The following KREMEN1 variants were observed in gnomAD, a reference collection of about 807,000 sequenced individuals.
KREMEN1 encodes the protein kremen protein 1.
In KREMEN1, 30 loss-of-function variants were observed where a neutral mutation model predicts 46.5. The observed-to-expected ratio is 0.65, with a 90% confidence interval of 0.48 to 0.88. KREMEN1 has a LOEUF of 0.88. Among genes scored for constraint, KREMEN1 ranks in the 40% least tolerant of loss-of-function variants. The pLI is 0.00. For synonymous variants in KREMEN1, 214 were observed against 230.6 expected, an observed-to-expected ratio of 0.93 and a Z score of 0.65; for missense variants, 533 against 596.9, an observed-to-expected ratio of 0.89 and a Z score of 1.11.
intron 3 of KREMEN1, among the ~76,000 whole-genome samples, chr22:29,105,291 G>T (rs2038037692): frequency 6.6e-6 from 1 of 150,572 alleles, no homozygotes; most frequent in Non-Finnish European, 1.5e-5. Context: ...TTATCAGTAT[G>T]TCTAGAACAG....
intron 4 of KREMEN1, 65 bp from the exon 5 acceptor site, chr22:29,125,197 AG>A: frequency 3.2e-6 from 5 of 1,574,458 alleles, no homozygotes; most frequent in Non-Finnish European, 4.3e-6. Context: ...CCACCCTGCC[AG>A]GCTCCTTCAG....
At chr22:29,074,484 CT>C (rs2037534688) in intron 1 of KREMEN1, among the ~76,000 whole-genome samples, 1 of 152,264 alleles carries the variant, frequency 6.6e-6, no homozygotes, top group South Asian at 2.1e-4. Flanking sequence ...TTTTGCTTAA[CT>C]TCCACACGCA....
chr22:29,133,650 G>GT (rs1315619620), intron 5 of KREMEN1, among the ~76,000 whole-genome samples: 7,501 of 112,902 alleles, frequency 0.066, 241 homozygotes, highest in Non-Finnish European at 0.1. Context: ...TTCTTTGTCT[G>GT]TTTTTTTTTG....
At chr22:29,162,359 G>A (rs1019842383) in intron 9 of KREMEN1, among the ~76,000 whole-genome samples, 7 of 152,116 alleles carry the variant, frequency 4.6e-5, no homozygotes, top group Non-Finnish European at 7.4e-5. Context: ...AGCCATCTAT[G>A]ACAAACCCAC....
intron 2 of KREMEN1, 61 bp downstream of exon 2, chr22:29,094,481 C>T (rs1214158218): frequency 9.1e-6 from 13 of 1,429,450 alleles, no homozygotes; most frequent in Non-Finnish European, 1.1e-5. Context: ...CTTCTTCCAA[C>T]CCCTTTCATC....
intron 9 of KREMEN1, among the ~76,000 whole-genome samples, chr22:29,156,638 G>A (rs1468098520): frequency 6.6e-6 from 1 of 152,150 alleles, no homozygotes; most frequent in Non-Finnish European, 1.5e-5. Flanking sequence ...CCCTAAGAAG[G>A]CCCCCACACT....
chr22:29,135,213 G>T (rs977283249), intron 5 of KREMEN1, among the ~76,000 whole-genome samples: 5 of 152,258 alleles, frequency 3.3e-5, no homozygotes, highest in Non-Finnish European at 5.9e-5. Context: ...GGGACCAATG[G>T]CTTTTGCTTC....
At chr22:29,082,082 T>C (rs552239743) in intron 1 of KREMEN1, among the ~76,000 whole-genome samples, 1,422 of 30,650 alleles carry the variant, frequency 0.046, 17 homozygotes, top group African/African-American at 0.16. Context: ...GTCTAGAAGC[T>C]GGATTATATC....
chr22:29,145,417 A>G lies in KREMEN1; in HGVS notation c.*3305A>G, dbSNP rs2038841486. The G allele has an allele frequency of 2.0e-6, 2 of 985,062 alleles. No individual in the cohort carries two copies. The highest frequency in any genetic ancestry group is 2.4e-6 in the Non-Finnish European group (2 of 829,904). 61.0% of individuals were successfully genotyped at this position (985,062 alleles called of 1,614,324 possible). A position where few individuals can be genotyped will look rare whatever the true frequency, so the allele number is the denominator to read the frequency against. The stretch of plus-strand genomic sequence containing the variant: ...TCCTGAGGTGACAGAGCGTGGGAGG[A>G]GGCTGCACTGGGCCTGCGTGCCATC... On this transcript the variant is annotated 3_prime_UTR_variant, in exon 9 of 9. Transcript: ENST00000400335.
intron 4 of KREMEN1, among the ~76,000 whole-genome samples, chr22:29,124,907 G>A (rs2038416231): frequency 6.6e-6 from 1 of 152,106 alleles, no homozygotes; most frequent in African/African-American, 2.4e-5. Flanking sequence ...TTGCTTTGAG[G>A]GTTAGCTATA....
downstream of KREMEN1, chr22:29,146,825 T>TG (rs2038873154): frequency 1.0e-6 from 1 of 967,078 alleles, no homozygotes; most frequent in African/African-American, 1.8e-5. Flanking sequence ...GAAAGAGTGA[T>TG]GGGCCCTATG....
intron 2 of KREMEN1, among the ~76,000 whole-genome samples, chr22:29,095,442 G>A (rs536821975): frequency 6.6e-6 from 1 of 152,288 alleles, no homozygotes; most frequent in African/African-American, 2.4e-5. Context: ...AAGCACTTTT[G>A]GTTATACATT....
intron 5 of KREMEN1, among the ~76,000 whole-genome samples, chr22:29,127,120 A>T (rs940368882): frequency 2.0e-5 from 3 of 152,186 alleles, no homozygotes; most frequent in African/African-American, 7.2e-5. Context: ...TTGAGTACCT[A>T]GTATGCATGA....
downstream of KREMEN1, among the ~76,000 whole-genome samples, chr22:29,151,158 C>T (rs2038911932): frequency 6.6e-6 from 1 of 152,150 alleles, no homozygotes; most frequent in African/African-American, 2.4e-5. Context: ...GAGCCTCTCC[C>T]TGCAAAAAAG....
At chr22:29,102,918 C>T (rs931778575) in intron 3 of KREMEN1, among the ~76,000 whole-genome samples, 5 of 152,078 alleles carry the variant, frequency 3.3e-5, no homozygotes, top group Non-Finnish European at 7.4e-5. Context: ...CTTTGGAAAA[C>T]CCTTCAGTTT....
Position 29,121,356 on chromosome 22 carries a change from G to C in KREMEN1, c.353-1G>C. On this transcript the variant is annotated splice_acceptor_variant, in intron 3 of 8. Coordinates refer to ENST00000400335, the MANE Select transcript of KREMEN1 (RefSeq NM_001039570.3). LOFTEE classifies it high-confidence loss of function. ...TTCTTTTGTTTTTCTTTTTTCTTTAGTGCCTGGAAACCTTGGCTGCTACAA... is the reference window on the plus strand; with the variant it reads ...TTCTTTTGTTTTTCTTTTTTCTTTACTGCCTGGAAACCTTGGCTGCTACAA... The C allele has an allele frequency of 6.2e-7, 1 of 1,612,450 alleles. No homozygotes were observed. The highest frequency in any genetic ancestry group is 1.1e-5 in the South Asian group (1 of 90,860).
chr22:29,125,358 C>T lies in KREMEN1; in HGVS notation c.573C>T (p.Val191=). ...CAGCCAGTACCGAATGCAACAGCGTCTGCTTCGGGGATCACACCCAACCCT... is the reference window on the plus strand; with the variant it reads ...CAGCCAGTACCGAATGCAACAGCGTTTGCTTCGGGGATCACACCCAACCCT... The part of the protein sequence containing the change: ...GEAASTECNS[V]CFGDHTQPCG... Residue 191 remains valine (V), a synonymous_variant, in exon 5 of 9, where the codon GTC becomes GTT. Coordinates refer to ENST00000400335, the MANE Select transcript of KREMEN1 (RefSeq NM_001039570.3). 6.2e-7 allele frequency: 1 copy of T among 1,614,194 alleles called. No homozygotes were observed. Among genetic ancestry groups the T allele is most frequent in the Non-Finnish European group, 8.5e-7 (1 of 1,180,026 alleles).
chr22:29,103,916 C>T (rs2038011358), intron 3 of KREMEN1, among the ~76,000 whole-genome samples: 1 of 152,004 alleles, frequency 6.6e-6, no homozygotes, highest in Non-Finnish European at 1.5e-5. Context: ...TCCAGCCCCC[C>T]AAACAGTGAC....
intron 3 of KREMEN1, among the ~76,000 whole-genome samples, chr22:29,120,487 A>AGGAGAGGTGATAAAGGAAACGGAGGAG (rs1569326046): frequency 6.2e-4 from 32 of 51,326 alleles, no homozygotes; most frequent in African/African-American, 2.6e-3. Context: ...ACAGGGAGGA[A>AGGAGAGGTGATAAAGGAAACGGAGGAG]GGAGAGGTGA....
Sources: gnomAD v4.1 joint callset for allele counts (sites outside exome capture counted in the v4.1 genomes callset) on GRCh38, gnomAD v4.1.1 for gene constraint, MANE v1.5 for transcripts, NCBI Gene and HGNC (gene_info 2026-07-23, HGNC 2026-07-21) for gene names.